PDGFC: variants seen among roughly 807,000 people sequenced by gnomAD.
PDGFC encodes platelet derived growth factor C.
Under a neutral mutation model 35.5 loss-of-function variants are expected in PDGFC, and 12 were observed. The ratio of observed to expected loss-of-function variants is 0.34; its 90% CI spans 0.22 to 0.55. The LOEUF is 0.55. Ranked by LOEUF, PDGFC falls within the 20% of genes least tolerant of loss-of-function variation. The pLI is 0.91. For synonymous variants in PDGFC, 159 were observed against 148.8 expected (o/e 1.07, Z -0.50); for missense variants, 322 against 412.4 (o/e 0.78, Z 1.90).
intron 3 of PDGFC, among the ~76,000 whole-genome samples, chr4:156,800,004 A>G (rs1005948208): frequency 6.6e-6 from 1 of 152,204 alleles, no homozygotes. Context: ...GAAAACAAAA[A>G]TGGTCAGAAG....
At position 156,842,825 on chromosome 4, in the gene PDGFC, G is replaced by A. The variant is rs1168915748; in HGVS notation, c.314+7396C>T. Among the ~76,000 whole-genome samples, 4 of 152,254 alleles carry A rather than the reference G, an allele frequency of 2.6e-5. No individual in the cohort carries two copies. In the East Asian group the frequency reaches 7.7e-4, roughly 29 times the overall value. ...TATTTTATTTTCAGTAACTGTTCGT[G>A]AGTGTCCATTAGGTACTAGTCAGCT... On this transcript the variant is annotated intron_variant, in intron 2 of 5. Coordinates refer to ENST00000502773, the MANE Select transcript of PDGFC (RefSeq NM_016205.3).
intron 2 of PDGFC, among the ~76,000 whole-genome samples, chr4:156,816,051 T>C (rs1732077766): frequency 6.6e-6 from 1 of 152,212 alleles, no homozygotes; most frequent in Non-Finnish European, 1.5e-5. Context: ...TCTTTCTTAC[T>C]CCTGAGAATT....
At chr4:156,922,544 C>T (rs1731311225) in intron 1 of PDGFC, among the ~76,000 whole-genome samples, 1 of 152,088 alleles carries the variant, frequency 6.6e-6, no homozygotes, top group Admixed American at 6.6e-5. Context: ...TGGCACAGAC[C>T]TCAAAAGACT....
intron 5 of PDGFC, among the ~76,000 whole-genome samples, chr4:156,764,457 G>A (rs899305373): frequency 6.6e-6 from 1 of 152,162 alleles, no homozygotes; most frequent in Non-Finnish European, 1.5e-5. Context: ...CTTAGACAGA[G>A]TAAGTGACAC....
intron 1 of PDGFC, among the ~76,000 whole-genome samples, chr4:156,892,429 G>T (rs1261306138): frequency 6.6e-6 from 1 of 151,976 alleles, no homozygotes; most frequent in African/African-American, 2.4e-5. Flanking sequence ...ATTTATTTTT[G>T]TTGTTGCCAC....
chr4:156,949,836 G>A (rs959049469), intron 1 of PDGFC, among the ~76,000 whole-genome samples: 1 of 151,922 alleles, frequency 6.6e-6, no homozygotes, highest in Non-Finnish European at 1.5e-5. Context: ...ACATACCTGA[G>A]ATGATATAGG....
In PDGFC at chr4:156,766,046, T is replaced by C. The variant is rs1478841113; in HGVS notation, c.921+1727A>G. On this transcript the variant is annotated intron_variant, in intron 5 of 5. Transcript: ENST00000502773. Reference sequence around the variant, plus strand: ...ACAAATGTTAGGTTCAAAACTGGGATGTCTAGCTTTGGAGTTTGTGTTCTC... The same window carrying C: ...ACAAATGTTAGGTTCAAAACTGGGACGTCTAGCTTTGGAGTTTGTGTTCTC... Among the ~76,000 whole-genome samples, 3 of 152,162 alleles carry C rather than the reference T, an allele frequency of 2.0e-5. No individual in the cohort carries two copies. The East Asian group carries it at 5.8e-4, about 29-fold the overall frequency.
At chr4:156,937,053 A>T (rs1731699855) in intron 1 of PDGFC, among the ~76,000 whole-genome samples, 1 of 152,214 alleles carries the variant, frequency 6.6e-6, no homozygotes, top group African/African-American at 2.4e-5. Flanking sequence ...ACATCCACGT[A>T]GACAGCACTG....
At chr4:156,920,068 C>T (rs1731237792) in intron 1 of PDGFC, among the ~76,000 whole-genome samples, 1 of 152,132 alleles carries the variant, frequency 6.6e-6, no homozygotes, top group African/African-American at 2.4e-5. Context: ...TGCCTGCTCC[C>T]CCTTCTCCTT....
chr4:156,950,134 A>C (rs2110934806), intron 1 of PDGFC, among the ~76,000 whole-genome samples: 1 of 152,002 alleles, frequency 6.6e-6, no homozygotes, highest in East Asian at 1.9e-4. Flanking sequence ...TGAGCTGAAG[A>C]CAAGTAAGAA....
chr4:156,825,569 T>TAAG lies in PDGFC; in HGVS notation c.315-14553_315-14552insCTT, dbSNP rs1560828215. On this transcript the variant is annotated intron_variant, in intron 2 of 5. Transcript: ENST00000502773. ...TGTCTCCAAATAATAATAATAATAA[T>TAAG]AATAATAATAATAATAATAATAATA... 5.6e-5 allele frequency among the ~76,000 whole-genome samples: 5 copies of TAAG among 89,768 alleles called. No homozygotes were observed. The South Asian group carries it at 1.2e-3, about 21-fold the overall frequency. 58.9% of individuals were successfully genotyped at this position (89,768 alleles called of 152,430 possible).
chr4:156,873,183 C>T (rs1450164078), intron 1 of PDGFC, among the ~76,000 whole-genome samples: 1 of 152,124 alleles, frequency 6.6e-6, no homozygotes, highest in Non-Finnish European at 1.5e-5. Context: ...AATGAGATTA[C>T]AAAAGACACA....
chr4:156,917,403 C>T (rs1731178112), intron 1 of PDGFC, among the ~76,000 whole-genome samples: 2 of 152,158 alleles, frequency 1.3e-5, no homozygotes, highest in South Asian at 4.1e-4. Context: ...TGGGCTTTAT[C>T]CAGCTACCAC....
chr4:156,898,087 C>A (rs1366746642), intron 1 of PDGFC, among the ~76,000 whole-genome samples: 2 of 152,084 alleles, frequency 1.3e-5, no homozygotes, highest in African/African-American at 4.8e-5. Context: ...GGAGGTGAGG[C>A]CTTTGGGAAC....
At chr4:156,869,361 A>G (rs1729923600) in intron 1 of PDGFC, among the ~76,000 whole-genome samples, 1 of 151,894 alleles carries the variant, frequency 6.6e-6, no homozygotes, top group African/African-American at 2.4e-5. Flanking sequence ...GCTTGAACCC[A>G]GGAGGTAGAG....
chr4:156,793,584 T>C (rs1163493390), intron 3 of PDGFC, among the ~76,000 whole-genome samples: 1 of 148,758 alleles, frequency 6.7e-6, no homozygotes, highest in Non-Finnish European at 1.5e-5. Context: ...AAATGTTATA[T>C]GTGTGTGTAT....
At chr4:156,939,784 A>G (rs954261827) in intron 1 of PDGFC, among the ~76,000 whole-genome samples, 5 of 152,106 alleles carry the variant, frequency 3.3e-5, no homozygotes, top group African/African-American at 1.2e-4. Context: ...AATATTACCC[A>G]GATAATACAA....
intron 1 of PDGFC, chr4:156,876,801 A>G (rs1379250531): frequency 6.6e-6 from 1 of 152,170 alleles, no homozygotes; most frequent in African/African-American, 2.4e-5. Flanking sequence ...TATCTTTATT[A>G]AAGCTACGAA....
intron 3 of PDGFC, among the ~76,000 whole-genome samples, chr4:156,809,773 A>G (rs1364765403): frequency 1.3e-5 from 2 of 151,894 alleles, no homozygotes; most frequent in African/African-American, 4.8e-5. Flanking sequence ...CTATAGGAGG[A>G]CAGTAGATTG....
Sources: gnomAD v4.1 joint callset for allele counts (sites outside exome capture counted in the v4.1 genomes callset) on GRCh38, gnomAD v4.1.1 for gene constraint, MANE v1.5 for transcripts, NCBI Gene and HGNC (gene_info 2026-07-23, HGNC 2026-07-21) for gene names.